GRIN3B: variants seen among roughly 807,000 people sequenced by gnomAD.
GRIN3B encodes the protein glutamate ionotropic receptor NMDA type subunit 3B.
GRIN3B carries 77 observed loss-of-function variants against 66.0 expected under a neutral mutation model. The observed-to-expected ratio is 1.17, with a 90% CI of 0.97 to 1.41. The LOEUF is 1.41. Among genes scored for constraint, GRIN3B ranks in the 40% most tolerant of loss-of-function variants. The pLI is 0.00. For missense variants in GRIN3B, 1,787 were observed against 1,564.5 expected (o/e 1.14, Z -2.40); for synonymous variants, 823 against 749.7 (o/e 1.10, Z -1.60).
Position 1,007,960 on chromosome 19 carries a change from T to A in GRIN3B, c.2303T>A (p.Phe768Tyr). The A allele has an allele frequency of 6.2e-7, 1 of 1,611,960 alleles. No homozygotes were observed. Among genetic ancestry groups the A allele is most frequent in the Non-Finnish European group, 8.5e-7 (1 of 1,179,564 alleles). The change falls in exon 5 of 9, where the codon TTC (phenylalanine) becomes TAC (tyrosine). Residue 768 changes from phenylalanine (F) to tyrosine (Y), a missense_variant. Phe to Tyr is a conservative substitution (Grantham distance 22, BLOSUM62 3). Transcript: ENST00000234389. This position sits in a 1 kb window ranked among gnomAD's most constrained non-coding sequence, Gnocchi z 4.4. ...DCKLLTVGKPFAIEGYGIGLP... is the reference protein window; with the variant it reads ...DCKLLTVGKPYAIEGYGIGLP... ...AAACTGCTGACCGTGGGAAAGCCCT[T>A]CGCCATTGAGGGTGAGAGGCACCTG...
At position 1,008,904 on chromosome 19, in the gene GRIN3B, G is replaced by A. The variant is rs1006236973; in HGVS notation, c.2679G>A (p.Glu893=). The A allele has an allele frequency of 8.1e-6, 13 of 1,610,236 alleles. No individual in the cohort carries two copies. The highest frequency in any genetic ancestry group is 1.7e-4 in the Middle Eastern group (1 of 5,992). The change falls in exon 8 of 9, where the codon GAG becomes GAA. Residue 893 remains glutamate (E), a synonymous_variant. Transcript: ENST00000234389. The part of the protein sequence containing the change: ...LNTEPPEGSK[E]ETAEAEPSGP... Reference sequence around the variant, plus strand: ...CGGAGCCACCAGAGGGGTCGAAGGAGGAGACGGCAGAGGCGGAGCCCAGGT... The same window carrying A: ...CGGAGCCACCAGAGGGGTCGAAGGAAGAGACGGCAGAGGCGGAGCCCAGGT...
Position 1,004,730 on chromosome 19 carries a change from G to A in GRIN3B, c.1229G>A (p.Gly410Asp). 6.2e-7 allele frequency: 1 copy of A among 1,607,426 alleles called. No individual in the cohort carries two copies. Residue 410 changes from glycine (G) to aspartate (D), a missense_variant, in exon 3 of 9, where the codon GGT becomes GAT. Coordinates refer to ENST00000234389, the MANE Select transcript of GRIN3B (RefSeq NM_138690.3). ...TCTGCACGGCCCCCGCCCCCACAGG[G>A]TGCCCAGGTCTGGCCCAAGCTGCGT... The part of the protein sequence containing the change: ...GASARPPPPQ[G>D]AQVWPKLRVV...
Position 1,000,787 on chromosome 19 carries a change from ACTTC to A in GRIN3B, c.353_356del (p.Phe118TrpfsTer87). 1.4e-6 allele frequency: 2 copies of A among 1,412,674 alleles called. No individual in the cohort carries two copies. Among genetic ancestry groups the A allele is most frequent in the Non-Finnish European group, 1.8e-6 (2 of 1,093,096 alleles). 87.5% of individuals were successfully genotyped at this position (1,412,674 alleles called of 1,614,324 possible). On this transcript the variant is annotated frameshift_variant, in exon 1 of 9. Coordinates refer to ENST00000234389, the MANE Select transcript of GRIN3B (RefSeq NM_138690.3). LOFTEE classifies it high-confidence loss of function. ...GCTCGGCCCGAGCTGCTGCAGCTGCACTTCCTGGCGGCGGCCACCGAGACCCCCG... is the reference window on the plus strand; with the variant it reads ...GCTCGGCCCGAGCTGCTGCAGCTGCACTGGCGGCGGCCACCGAGACCCCCG...
At chr19:1,001,008 C>T (rs2038679644) in intron 1 of GRIN3B, 145 bp downstream of exon 1, 4 of 972,092 alleles carry the variant, frequency 4.1e-6, no homozygotes, top group Non-Finnish European at 5.5e-6. Context: ...CCCCAGGGAT[C>T]AGGGATGGGG....
chr19:1,008,854 T>C lies in GRIN3B; in HGVS notation c.2632-3T>C, dbSNP rs1446425451. ...CGCCAACCGGGTCTGTCTGGGGTCT[T>C]AGAAAATCCACCGCGCCCTCAACAC... On this transcript the variant is annotated splice_region_variant and splice_polypyrimidine_tract_variant and intron_variant, in intron 7 of 8. Coordinates refer to ENST00000234389, the MANE Select transcript of GRIN3B (RefSeq NM_138690.3). 1.9e-6 allele frequency: 3 copies of C among 1,606,576 alleles called. No individual in the cohort carries two copies. The highest frequency in any genetic ancestry group is 1.3e-5 in the African/African-American group (1 of 74,578).
rs1055623340 is a variant in GRIN3B, at chr19:1,005,846, T to G, written c.2052+293T>G. Among the ~76,000 whole-genome samples, 2 of 151,278 alleles carry G rather than the reference T, an allele frequency of 1.3e-5. No individual in the cohort carries two copies. The highest frequency in any genetic ancestry group is 2.9e-5 in the Non-Finnish European group (2 of 67,844). ...GTGAAACCCCATCTTTACTAAAAAA[T>G]ACAAAGAATTAGCTGAGCATGGTGG... On this transcript the variant is annotated intron_variant, in intron 3 of 8. Transcript: ENST00000234389. This position sits in a 1 kb window ranked among gnomAD's most constrained non-coding sequence, Gnocchi z 5.2.
chr19:1,009,158 C>A lies in GRIN3B; in HGVS notation c.2703-15C>A, dbSNP rs1164915630. ...CTGCCCCGGCGGACACTGACCAGGC[C>A]GGTTCCGTCCCCAGCGGCCCCGAGG... On this transcript the variant is annotated splice_polypyrimidine_tract_variant and intron_variant, in intron 8 of 8. Coordinates refer to ENST00000234389, the MANE Select transcript of GRIN3B (RefSeq NM_138690.3). 6.9e-7 allele frequency: 1 copy of A among 1,455,196 alleles called. No individual in the cohort carries two copies. The highest frequency in any genetic ancestry group is 9.0e-7 in the Non-Finnish European group (1 of 1,113,904). 90.1% of individuals were successfully genotyped at this position (1,455,196 alleles called of 1,614,324 possible).
rs909367317 is a variant in GRIN3B, at chr19:1,009,557, C to T, written c.3087C>T (p.Pro1029=). 1.5e-5 allele frequency: 13 copies of T among 896,018 alleles called. No homozygotes were observed. Among genetic ancestry groups the T allele is most frequent in the Non-Finnish European group, 1.8e-5 (12 of 662,284 alleles). 55.5% of individuals were successfully genotyped at this position (896,018 alleles called of 1,614,324 possible). A position where few individuals can be genotyped will look rare whatever the true frequency, so the allele number is the denominator to read the frequency against. ...GCTTGCTTCAGGCCAGAGCGGCCCC[C>T]GCGGAGGCCCCACCACACTCTGGCC... ...PRRLLQARAA[P]AEAPPHSGRP... is the part of the protein sequence containing the mutation. Residue 1029 remains proline (P), a synonymous_variant, in exon 9 of 9, where the codon CCC becomes CCT. Coordinates refer to ENST00000234389, the MANE Select transcript of GRIN3B (RefSeq NM_138690.3).
intron 3 of GRIN3B, among the ~76,000 whole-genome samples, chr19:1,006,050 A>G (rs2038744967): frequency 6.6e-6 from 1 of 151,740 alleles, no homozygotes; most frequent in Non-Finnish European, 1.5e-5. Flanking sequence ...GGGGCTGGCT[A>G]TGTTGTTCAG....
In GRIN3B at chr19:1,003,384, G is replaced by A. The variant is rs2038703989; in HGVS notation, c.681G>A (p.Gly227=). 28 of 1,566,452 alleles carry A rather than the reference G, an allele frequency of 1.8e-5. No individual in the cohort carries two copies. Among genetic ancestry groups the A allele is most frequent in the Non-Finnish European group, 2.4e-5 (28 of 1,161,604 alleles). ...TGGCCCCGATGGCGGCGCCAGTGGG[G>A]GGTGAAGCACCGGTACCCGCGGCGG... ...ARLAPMAAPV[G]GEAPVPAAVL... Residue 227 remains glycine, a synonymous_variant, in exon 2 of 9, where the codon GGG becomes GGA. Coordinates refer to ENST00000234389, the MANE Select transcript of GRIN3B (RefSeq NM_138690.3).
chr19:1,001,256 C>T (rs1349354095), intron 1 of GRIN3B, among the ~76,000 whole-genome samples: 1 of 152,004 alleles, frequency 6.6e-6, no homozygotes, highest in African/African-American at 2.4e-5. Context: ...CTGGTCCCCA[C>T]CCGGCTCTGG....
At position 1,008,243 on chromosome 19, in the gene GRIN3B, GT is replaced by G; in HGVS notation, c.2419del (p.Trp807GlyfsTer20). The G allele has an allele frequency of 6.2e-7, 1 of 1,611,610 alleles. No individual in the cohort carries two copies. The highest frequency in any genetic ancestry group is 8.5e-7 in the Non-Finnish European group (1 of 1,179,120). ...GCTTCATCGACCTGCTCCACGACAA[GT>G]GGTACAAGATGGTGCCTTGCGGCAA... is the stretch of plus-strand genomic sequence containing the variant. ...SGFIDLLHDK[W>X]YKMVPCGKRV... On this transcript the variant is annotated frameshift_variant, in exon 6 of 9. Transcript: ENST00000234389. LOFTEE classifies it high-confidence loss of function.
chr19:1,002,858 C>T (rs547666004), intron 1 of GRIN3B: 20 of 364,766 alleles, frequency 5.5e-5, no homozygotes, highest in Admixed American at 1.4e-4. Flanking sequence ...ATATTCCATC[C>T]GGGGAATGGC....
Position 1,005,132 on chromosome 19 carries a change from TCAC to T in GRIN3B, c.1634_1636del (p.Thr545del). ...TCCGCCCGCTCACAGGTGGTGGACT[TCAC>T]CAGCCCCTTCTTCTCCACCAGCCTG... On this transcript the variant is annotated inframe_deletion, in exon 3 of 9. Transcript: ENST00000234389. The surrounding 1 kb of genome is among the most constrained non-coding windows in gnomAD (Gnocchi z 5.2). The T allele has an allele frequency of 1.2e-6, 2 of 1,613,224 alleles. No individual in the cohort carries two copies. The highest frequency in any genetic ancestry group is 2.2e-5 in the East Asian group (1 of 44,870).
chr19:1,008,698 G>A lies in GRIN3B; in HGVS notation c.2547G>A (p.Ser849=), dbSNP rs532189723. Residue 849 remains serine, a synonymous_variant, in exon 7 of 9, where the codon TCG becomes TCA. Coordinates refer to ENST00000234389, the MANE Select transcript of GRIN3B (RefSeq NM_138690.3). ...GCCTGGGCAGCGCTCTGCTCAGCTC[G>A]CTGGGCGAGCACGCCTTCTTCCGCC... ...CLGLGSALLS[S]LGEHAFFRLA... The A allele has an allele frequency of 1.4e-5, 23 of 1,607,350 alleles. No homozygotes were observed. In the South Asian group the frequency reaches 2.2e-4, roughly 15 times the overall value.
chr19:1,004,499 ACC>A lies in GRIN3B; in HGVS notation c.1020-15_1020-14del. The A allele has an allele frequency of 2.4e-5, 37 of 1,526,102 alleles. No individual in the cohort carries two copies. Among genetic ancestry groups the A allele is most frequent in the Non-Finnish European group, 3.2e-5 (36 of 1,128,156 alleles). 94.5% of individuals were successfully genotyped at this position (1,526,102 alleles called of 1,614,324 possible). On this transcript the variant is annotated intron_variant, in intron 2 of 8. Transcript: ENST00000234389. ...AGGGGTGTGAACTTCGACACCTGAC[ACC>A]CCCCCCGCCCTGCCCCTAGGTTCCT... is the stretch of plus-strand genomic sequence containing the variant.
rs2038726857 is a variant in GRIN3B at position 1,004,889 on chromosome 19, T to C, written c.1388T>C (p.Leu463Pro). The change falls in exon 3 of 9, where the codon CTG (leucine) becomes CCG (proline). Residue 463 changes from leucine to proline, a missense_variant. Coordinates refer to ENST00000234389, the MANE Select transcript of GRIN3B (RefSeq NM_138690.3). The part of the protein sequence containing the change: ...SATLDALFAA[L>P]ANGSAPRALR... ...ACCCTGGACGCACTGTTCGCCGCGC[T>C]GGCCAACGGCTCAGCGCCCCGTGCC... The C allele has an allele frequency of 2.5e-6, 4 of 1,601,084 alleles. No individual in the cohort carries two copies. The highest frequency in any genetic ancestry group is 2.6e-6 in the Non-Finnish European group (3 of 1,172,048).
chr19:1,005,405 A>G lies in GRIN3B; in HGVS notation c.1904A>G (p.Lys635Arg). ...CTCTTCAGACGCACCGTGTCCAGCAAGACGCCCAAGTGCCCCACGGGCCGC... is the reference window on the plus strand; with the variant it reads ...CTCTTCAGACGCACCGTGTCCAGCAGGACGCCCAAGTGCCCCACGGGCCGC... Reference protein sequence around the residue: ...AILFRRTVSSKTPKCPTGRLL... With the variant: ...AILFRRTVSSRTPKCPTGRLL... Residue 635 changes from lysine (K) to arginine (R), a missense_variant, in exon 3 of 9, where the codon AAG (lysine) becomes AGG (arginine). Transcript: ENST00000234389. This position sits in a 1 kb window ranked among gnomAD's most constrained non-coding sequence, Gnocchi z 5.2. The G allele has an allele frequency of 6.2e-7, 1 of 1,613,684 alleles. No individual in the cohort carries two copies. The highest frequency in any genetic ancestry group is 1.3e-5 in the African/African-American group (1 of 75,048).
intron 8 of GRIN3B, 89 bp downstream of exon 8, chr19:1,009,016 G>C (rs2038802210): frequency 1.3e-6 from 2 of 1,487,070 alleles, no homozygotes; most frequent in South Asian, 1.2e-5. Context: ...CGGGGTGCAG[G>C]AGGTTCCCGG....
Sources: gnomAD v4.1 joint callset for allele counts (sites outside exome capture counted in the v4.1 genomes callset) on GRCh38, gnomAD v4.1.1 for gene constraint, Gnocchi (gnomAD v3.1) non-coding constraint, MANE v1.5 for transcripts, NCBI Gene and HGNC (gene_info 2026-07-23, HGNC 2026-07-21) for gene names.